The following DOCK8 variants were observed in gnomAD, a reference collection of about 807,000 sequenced individuals.
DOCK8 encodes the protein dedicator of cytokinesis 8.
Under a neutral mutation model 245.6 loss-of-function variants are expected in DOCK8, and 141 were observed. The observed-to-expected ratio is 0.57, with a 90% CI of 0.50 to 0.66. DOCK8 has a LOEUF of 0.66. Ranked by LOEUF, DOCK8 falls within the 30% of genes least tolerant of loss-of-function variation. DOCK8 has a pLI of 0.00. For synonymous variants in DOCK8, 1,168 were observed against 970.2 expected (o/e 1.20, Z -3.79); for missense variants, 2,965 against 2,603.4 (o/e 1.14, Z -3.02).
intron 1 of DOCK8, among the ~76,000 whole-genome samples, chr9:229,913 T>C (rs1180504751): frequency 6.6e-6 from 1 of 151,902 alleles, no homozygotes; most frequent in Admixed American, 6.6e-5. Flanking sequence ...ATTTTATTAT[T>C]ATTATTATAC....
chr9:363,989 T>G (rs2131144785), intron 14 of DOCK8, among the ~76,000 whole-genome samples: 1 of 152,344 alleles, frequency 6.6e-6, no homozygotes, highest in South Asian at 2.1e-4. Context: ...GGCTCATTAT[T>G]CCTTCAAACA....
In DOCK8 at chr9:406,970, C is replaced by T; in HGVS notation, c.3431C>T (p.Ala1144Val). 2 of 1,614,138 alleles carry T rather than the reference C, an allele frequency of 1.2e-6. No individual in the cohort carries two copies. The highest frequency in any genetic ancestry group is 1.7e-6 in the Non-Finnish European group (2 of 1,180,022). The change falls in exon 28 of 48, where the codon GCC (alanine) becomes GTC (valine). Residue 1144 changes from alanine (A) to valine (V), a missense_variant. By Grantham distance (64) the Ala-to-Val change is moderately conservative (BLOSUM62 0). This residue lies in a region of DOCK8 where 2,825 missense variants were observed against 2,453.5 expected (regional missense o/e 1.15). Coordinates refer to ENST00000432829, the MANE Select transcript of DOCK8 (RefSeq NM_203447.4). ...TCCAGCTTCCAGGACCAGAAGATCGCCAGCATGTTCGATCTGACTTCCGAG... is the reference window on the plus strand; with the variant it reads ...TCCAGCTTCCAGGACCAGAAGATCGTCAGCATGTTCGATCTGACTTCCGAG... ...SCSSFQDQKI[A>V]SMFDLTSEYR...
chr9:236,046 T>A (rs146010477), intron 1 of DOCK8, among the ~76,000 whole-genome samples: 175 of 152,306 alleles, frequency 1.1e-3, no homozygotes, highest in Admixed American at 4.4e-3. Flanking sequence ...TCTTGGCTCC[T>A]CCCCTTATTT....
intron 26 of DOCK8, among the ~76,000 whole-genome samples, chr9:400,325 C>T (rs1236935576): frequency 1.1e-5 from 1 of 88,898 alleles, no homozygotes; most frequent in Admixed American, 1.1e-4. Flanking sequence ...ACCACCTCCA[C>T]CACCACCACC....
chr9:418,364 C>T (rs183842983), intron 30 of DOCK8, among the ~76,000 whole-genome samples, 157 bp downstream of exon 30: 48 of 152,300 alleles, frequency 3.2e-4, no homozygotes, highest in African/African-American at 1.1e-3. Context: ...CTCCGCCTCC[C>T]GGGTTCTTCA....
chr9:451,430 C>T (rs1022024513), intron 45 of DOCK8, among the ~76,000 whole-genome samples: 1 of 152,008 alleles, frequency 6.6e-6, no homozygotes, highest in Admixed American at 6.6e-5. Flanking sequence ...CAAGACCAGC[C>T]TGGGCAATGT....
intron 45 of DOCK8, 118 bp from the exon 46 acceptor site, chr9:451,890 TATG>T: frequency 2.1e-5 from 6 of 291,516 alleles, no homozygotes; most frequent in Non-Finnish European, 3.6e-5. Context: ...TATACATATA[TATG>T]CATATACATA....
At chr9:416,188 C>T (rs2056000557) in intron 29 of DOCK8, among the ~76,000 whole-genome samples, 2 of 152,184 alleles carry the variant, frequency 1.3e-5, no homozygotes, top group South Asian at 4.1e-4. Flanking sequence ...CAGGGCTGAG[C>T]AAGCTGCACC....
chr9:313,369 T>G (rs1188015720), intron 6 of DOCK8, among the ~76,000 whole-genome samples: 2 of 152,240 alleles, frequency 1.3e-5, no homozygotes. Context: ...TCACCAAATG[T>G]GGCAACTTAA....
chr9:458,772 C>G (rs182591269), intron 46 of DOCK8, among the ~76,000 whole-genome samples: 27 of 152,302 alleles, frequency 1.8e-4, no homozygotes, highest in Non-Finnish European at 2.1e-4. Flanking sequence ...GATCATGCCA[C>G]TGCCTTCCAC....
In DOCK8 at chr9:393,273, T is replaced by A. The variant is rs570036844; in HGVS notation, c.2970+2707T>A. Among the ~76,000 whole-genome samples, 357 of 152,290 alleles carry A rather than the reference T, an allele frequency of 2.3e-3. 1 individual carries two copies. Among genetic ancestry groups the A allele is most frequent in the Non-Finnish European group, 2.6e-3 (176 of 68,022 alleles). On this transcript the variant is annotated intron_variant, in intron 24 of 47. Transcript: ENST00000432829. ...AAAGGAAGTTTGCATTCTCTGCAGG[T>A]GTAATGATGTCTCTGTTCTTCACAG...
chr9:231,111 T>C (rs2047106586), intron 1 of DOCK8, among the ~76,000 whole-genome samples: 1 of 152,206 alleles, frequency 6.6e-6, no homozygotes, highest in South Asian at 2.1e-4. Context: ...GTTTCAGCTT[T>C]CTACATATGG....
At chr9:271,548 G>C (rs770791833) in intron 1 of DOCK8, 79 bp from the exon 2 acceptor site, 21 of 1,128,840 alleles carry the variant, frequency 1.9e-5, no homozygotes, top group Non-Finnish European at 2.6e-5. Context: ...TTTATAACAT[G>C]ATATCAAAGA....
chr9:239,515 A>T (rs937448790), intron 1 of DOCK8, among the ~76,000 whole-genome samples: 1 of 152,222 alleles, frequency 6.6e-6, no homozygotes, highest in East Asian at 1.9e-4. Context: ...GAGCAGAACC[A>T]TGAAGGAGAA....
chr9:244,358 A>G (rs967633003), intron 1 of DOCK8, among the ~76,000 whole-genome samples: 9 of 151,760 alleles, frequency 5.9e-5, no homozygotes, highest in Non-Finnish European at 1.0e-4. Flanking sequence ...TTCATTCAAC[A>G]TTTTCTATTC....
intron 26 of DOCK8, among the ~76,000 whole-genome samples, chr9:400,211 C>T (rs1459333430): frequency 7.9e-5 from 9 of 114,038 alleles, no homozygotes; most frequent in Admixed American, 6.2e-4. Flanking sequence ...ACCACCACCT[C>T]CACTATCACC....
intron 14 of DOCK8, among the ~76,000 whole-genome samples, chr9:354,113 C>T (rs2052309666): frequency 6.6e-6 from 1 of 152,194 alleles, no homozygotes; most frequent in African/African-American, 2.4e-5. Flanking sequence ...AGGTGGATCA[C>T]CTGAGGCCAG....
At chr9:396,678 G>GA in intron 24 of DOCK8, 107 bp from the exon 25 acceptor site, 1 of 1,499,170 alleles carries the variant, frequency 6.7e-7, no homozygotes, top group Non-Finnish European at 9.3e-7. Flanking sequence ...TAAAGTGTCA[G>GA]AAAATCCATT....
At chr9:235,276 A>T (rs1332673969) in intron 1 of DOCK8, among the ~76,000 whole-genome samples, 3 of 152,166 alleles carry the variant, frequency 2.0e-5, no homozygotes, top group Non-Finnish European at 4.4e-5. Flanking sequence ...TCAGAGGAGT[A>T]CCTGGCTGTG....
Sources: allele counts gnomAD v4.1 joint callset (sites outside exome capture counted in the v4.1 genomes callset), GRCh38; gene constraint gnomAD v4.1.1; regional missense constraint gnomAD v4.1.1; transcripts MANE v1.5; gene names NCBI Gene and HGNC (gene_info 2026-07-23, HGNC 2026-07-21).